XKR6: variants seen among roughly 807,000 people sequenced by gnomAD.
The protein encoded by XKR6 is XK-related protein 6.
Under a neutral mutation model 56.7 loss-of-function variants are expected in XKR6, and 22 were observed. The observed-to-expected ratio is 0.39, with a 90% CI of 0.28 to 0.55. The LOEUF (loss-of-function observed/expected upper bound fraction) is 0.55. Among genes scored for constraint, XKR6 ranks in the 20% least tolerant of loss-of-function variants. The pLI, the probability that XKR6 is intolerant of heterozygous loss-of-function variation, is 0.66. For missense variants in XKR6, 852 were observed against 889.0 expected (o/e 0.96, Z 0.53); for synonymous variants, 524 against 387.8 (o/e 1.35, Z -4.13).
intron 1 of XKR6, among the ~76,000 whole-genome samples, chr8:11,063,232 T>A (rs1243978240): frequency 6.9e-6 from 1 of 145,600 alleles, no homozygotes. Context: ...TAAGGTAACA[T>A]AAAATAAGAT....
intron 1 of XKR6, among the ~76,000 whole-genome samples, chr8:11,056,190 C>T (rs1799680975): frequency 6.6e-6 from 1 of 152,236 alleles, no homozygotes; most frequent in Non-Finnish European, 1.5e-5. Context: ...TCCTGCTGCG[C>T]TCCCCAGACT....
chr8:11,059,294 G>C (rs1799766486), intron 1 of XKR6, among the ~76,000 whole-genome samples: 1 of 152,092 alleles, frequency 6.6e-6, no homozygotes, highest in African/African-American at 2.4e-5. Flanking sequence ...TCTTTGTTGA[G>C]CGAATGAATG....
At chr8:11,194,133 T>TC (rs1803739326) in intron 1 of XKR6, among the ~76,000 whole-genome samples, 2 of 152,202 alleles carry the variant, frequency 1.3e-5, no homozygotes, top group Admixed American at 1.3e-4. Context: ...TAAAAATAGA[T>TC]TAAGTGATCA....
At chr8:11,030,082 A>C (rs10102241) in intron 1 of XKR6, among the ~76,000 whole-genome samples, 1 of 151,976 alleles carries the variant, frequency 6.6e-6, no homozygotes, top group African/African-American at 2.4e-5. Context: ...GTATTCCCAG[A>C]CTGCAGGAGT....
intron 1 of XKR6, among the ~76,000 whole-genome samples, chr8:11,014,404 G>C (rs1262921292): frequency 6.6e-6 from 1 of 152,180 alleles, no homozygotes; most frequent in African/African-American, 2.4e-5. Context: ...GCCTGTGAAT[G>C]ATCCTTCCGT....
intron 1 of XKR6, among the ~76,000 whole-genome samples, chr8:11,039,833 C>T (rs970051092): frequency 6.6e-6 from 1 of 152,232 alleles, no homozygotes; most frequent in African/African-American, 2.4e-5. Flanking sequence ...GGGAAGCAGC[C>T]CGAGCACAGC....
intron 1 of XKR6, chr8:11,062,875 T>A (rs1799872699): frequency 2.2e-6 from 1 of 455,928 alleles, no homozygotes; most frequent in African/African-American, 2.0e-5. Context: ...TGGAAGTGGG[T>A]GTCCCTTCCA....
At chr8:10,946,039 G>A (rs55658337) in intron 1 of XKR6, among the ~76,000 whole-genome samples, 1 of 151,974 alleles carries the variant, frequency 6.6e-6, no homozygotes, top group African/African-American at 2.4e-5. Context: ...GTGCTTTTCA[G>A]CGTGGAGTTG....
chr8:11,138,310 T>C (rs1389140170), intron 1 of XKR6: 1 of 152,580 alleles, frequency 6.6e-6, no homozygotes, highest in Non-Finnish European at 1.5e-5. Flanking sequence ...CAACTATGAG[T>C]TAGAACCACC....
At position 11,016,043 on chromosome 8, in the gene XKR6, G is replaced by A. The variant is rs976431162; in HGVS notation, c.765-91213C>T. ...CCCGGTAACGCCCCGCACCGTCGGC[G>A]ATCCCTGCCCCCTTCCACTGCGCCC... On this transcript the variant is annotated intron_variant, in intron 1 of 2. Transcript: ENST00000416569. Among the ~76,000 whole-genome samples, 4 of 152,214 alleles carry A rather than the reference G, an allele frequency of 2.6e-5. No homozygotes were observed. In the South Asian group the frequency reaches 6.2e-4, roughly 24 times the overall value.
chr8:10,997,762 G>C (rs1017611740), intron 1 of XKR6, among the ~76,000 whole-genome samples: 2 of 152,056 alleles, frequency 1.3e-5, no homozygotes, highest in East Asian at 3.9e-4. Context: ...GACAAGGAAG[G>C]AGCAGGAGCT....
At chr8:11,140,304 G>C (rs1291186724) in intron 1 of XKR6, among the ~76,000 whole-genome samples, 1 of 152,142 alleles carries the variant, frequency 6.6e-6, no homozygotes, top group Non-Finnish European at 1.5e-5. Flanking sequence ...AATGAAAAAC[G>C]ATCTGAAGCT....
chr8:10,908,764 G>A (rs960195022), intron 2 of XKR6, among the ~76,000 whole-genome samples: 2 of 152,172 alleles, frequency 1.3e-5, no homozygotes, highest in Admixed American at 6.5e-5. Context: ...TTAAGAGGTG[G>A]GGCCTTCAAG....
intron 1 of XKR6, chr8:11,195,096 C>T (rs1037375279): frequency 1.3e-5 from 9 of 702,656 alleles, no homozygotes; most frequent in Non-Finnish European, 2.3e-5. Context: ...CTTACCCTCA[C>T]AGCTAAGCAA....
intron 1 of XKR6, among the ~76,000 whole-genome samples, chr8:11,053,510 G>C (rs1241566681): frequency 6.6e-6 from 1 of 152,224 alleles, no homozygotes; most frequent in Non-Finnish European, 1.5e-5. Flanking sequence ...CATGGCAGGA[G>C]GATGGGCGGC....
Position 11,133,098 on chromosome 8 carries a change from A to G in XKR6, c.764+67478T>C, listed in dbSNP as rs150099793. Among the ~76,000 whole-genome samples the G allele has an allele frequency of 2.1e-3, 326 of 152,298 alleles. 1 individual carries two copies. Among genetic ancestry groups the G allele is most frequent in the African/African-American group, 7.4e-3 (308 of 41,542 alleles). ...TGTACTGCAAAGCAAATATATGAAT[A>G]TAGTTGGCTTTAAATACAAGCATAC... On this transcript the variant is annotated intron_variant, in intron 1 of 2. Coordinates refer to ENST00000416569, the MANE Select transcript of XKR6 (RefSeq NM_173683.4).
chr8:11,043,917 G>GTCAGGCACACCTACA (rs1442448770), intron 1 of XKR6, among the ~76,000 whole-genome samples: 1 of 152,256 alleles, frequency 6.6e-6, no homozygotes, highest in Non-Finnish European at 1.5e-5. Context: ...CAATGGTGAA[G>GTCAGGCACACCTACA]TCAGGCACAC....
intron 1 of XKR6, chr8:11,062,841 G>C (rs1322251980): frequency 2.2e-6 from 1 of 456,280 alleles, no homozygotes; most frequent in Admixed American, 2.3e-5. Context: ...CCGTGCGCCT[G>C]AGTTCTAGCC....
At chr8:11,081,662 A>G (rs1797725754) in intron 1 of XKR6, among the ~76,000 whole-genome samples, 1 of 152,150 alleles carries the variant, frequency 6.6e-6, no homozygotes, top group Non-Finnish European at 1.5e-5. Flanking sequence ...TCTGACTCCA[A>G]GTTCTGATCA....
Sources: gnomAD v4.1 joint callset for allele counts (sites outside exome capture counted in the v4.1 genomes callset) on GRCh38, gnomAD v4.1.1 for gene constraint, MANE v1.5 for transcripts, NCBI Gene and HGNC (gene_info 2026-07-23, HGNC 2026-07-21) for gene names.